The following RASD2 variants were observed in gnomAD, a reference collection of about 807,000 sequenced individuals.
RASD2 encodes the protein GTP-binding protein Rhes.
A neutral mutation model predicts 15.8 loss-of-function variants in RASD2; 7 were observed. The ratio of observed to expected loss-of-function variants is 0.44; its 90% confidence interval spans 0.25 to 0.83. The LOEUF (loss-of-function observed/expected upper bound fraction) is 0.83. RASD2 is among the 40% of genes least tolerant of loss of function. The probability of loss-of-function intolerance (pLI) is 0.20; values close to 1 mark genes in which losing one functional copy is unlikely to be tolerated. For synonymous variants in RASD2, 155 were observed against 153.6 expected (o/e 1.01, Z -0.07); for missense variants, 274 against 382.8 (o/e 0.72, Z 2.37).
chr22:35,537,057 GT>G (rs778165177), upstream of RASD2, among the ~76,000 whole-genome samples: 18 of 151,842 alleles, frequency 1.2e-4, no homozygotes, highest in African/African-American at 2.9e-4. Context: ...AGGAACTGCT[GT>G]TCTAGAAAAG....
upstream of RASD2, among the ~76,000 whole-genome samples, chr22:35,536,968 C>T (rs1378742770): frequency 1.3e-5 from 2 of 152,210 alleles, no homozygotes; most frequent in African/African-American, 4.8e-5. Context: ...GCAATTAAAT[C>T]AGCATCTCTG....
intron 1 of RASD2, among the ~76,000 whole-genome samples, chr22:35,544,240 G>C (rs1445215927): frequency 6.6e-6 from 1 of 152,236 alleles, no homozygotes; most frequent in Non-Finnish European, 1.5e-5. Flanking sequence ...ACTTGGGGAG[G>C]GGGCTGTCAT....
At chr22:35,533,862 ATGATGG>A in the RASD2 span, among the ~76,000 whole-genome samples, 1,388 of 151,232 alleles carry the variant, frequency 9.2e-3, 20 homozygotes, top group African/African-American at 0.031. Context: ...GATCACAGTG[ATGATGG>A]TGATGGTGAT....
chr22:35,552,240 G>A lies in RASD2; in HGVS notation c.*208G>A, dbSNP rs1284614448. 2.2e-5 allele frequency: 14 copies of A among 640,774 alleles called. 1 individual carries two copies. The East Asian group carries it at 2.5e-4, about 11-fold the overall frequency. 39.7% of individuals were successfully genotyped at this position (640,774 alleles called of 1,614,324 possible). ...TCCGCTTGTCCACAGCTCCTTGGTG[G>A]TTTCATCTCCTCTGTGGGAGGACAC... On this transcript the variant is annotated 3_prime_UTR_variant, in exon 3 of 3. Transcript: ENST00000216127.
chr22:35,547,192 G>A (rs1027798985), intron 2 of RASD2, 112 bp downstream of exon 2: 205 of 1,310,538 alleles, frequency 1.6e-4, no homozygotes, highest in Admixed American at 3.5e-4. Context: ...TGAGACAGGC[G>A]TCATCCCTGC....
At chr22:35,537,134 T>C (rs762196441), upstream of RASD2, among the ~76,000 whole-genome samples, 1 of 152,196 alleles carries the variant, frequency 6.6e-6, no homozygotes, top group African/African-American at 2.4e-5. Flanking sequence ...AGCCTCTCAT[T>C]AGCTGCCTGG....
At position 35,541,240 on chromosome 22, in the gene RASD2, G is replaced by A. The variant is rs1601809671; in HGVS notation, c.-270G>A. The A allele has an allele frequency of 1.3e-5, 2 of 151,850 alleles. No homozygotes were observed. Among genetic ancestry groups the A allele is most frequent in the Admixed American group, 1.3e-4 (2 of 15,266 alleles). 9.4% of individuals were successfully genotyped at this position (151,850 alleles called of 1,614,324 possible). A position where few individuals can be genotyped will look rare whatever the true frequency, so the allele number is the denominator to read the frequency against. ...GGGGCAGGGCAGGGCCGGCGGCGGCGAGCCGGAGCCCGCCCCCTGCCCGGG... is the reference window on the plus strand; with the variant it reads ...GGGGCAGGGCAGGGCCGGCGGCGGCAAGCCGGAGCCCGCCCCCTGCCCGGG... On this transcript the variant is annotated 5_prime_UTR_variant, in exon 1 of 3. Transcript: ENST00000216127.
chr22:35,548,254 G>A (rs1203027520), intron 2 of RASD2, among the ~76,000 whole-genome samples: 1 of 152,190 alleles, frequency 6.6e-6, no homozygotes, highest in Non-Finnish European at 1.5e-5. Context: ...TGTACCTCGA[G>A]GCAAGGGATT....
chr22:35,537,181 T>A (rs1294110613), upstream of RASD2, among the ~76,000 whole-genome samples: 1 of 152,230 alleles, frequency 6.6e-6, no homozygotes, highest in African/African-American at 2.4e-5. Flanking sequence ...TTTCCCCTTC[T>A]GTAAGTGGGG....
chr22:35,535,261 G>A, the RASD2 span, among the ~76,000 whole-genome samples: 1 of 151,836 alleles, frequency 6.6e-6, no homozygotes, highest in Non-Finnish European at 1.5e-5. Flanking sequence ...AAAATTAGCC[G>A]GGTGTGATGG....
rs964893254 is a variant in RASD2 at position 35,553,205 on chromosome 22, C to T, written c.*1173C>T. On this transcript the variant is annotated 3_prime_UTR_variant, in exon 3 of 3. Transcript: ENST00000216127. ...CCCCAGTCCTGGCCTCTGCCCGCCC[C>T]TGCTGCCCCACCACCTTCTGCACAC... 3 of 152,338 alleles carry T rather than the reference C, an allele frequency of 2.0e-5. No homozygotes were observed. Among genetic ancestry groups the T allele is most frequent in the Non-Finnish European group, 2.9e-5 (2 of 68,112 alleles). 9.4% of individuals were successfully genotyped at this position (152,338 alleles called of 1,614,324 possible).
At chr22:35,550,126 G>A (rs1569103313) in intron 2 of RASD2, among the ~76,000 whole-genome samples, 1 of 152,128 alleles carries the variant, frequency 6.6e-6, no homozygotes, top group African/African-American at 2.4e-5. Flanking sequence ...AGCCAGGTGT[G>A]GTGATGGGCA....
intron 2 of RASD2, among the ~76,000 whole-genome samples, chr22:35,547,921 A>G (rs952660208): frequency 3.9e-5 from 6 of 152,252 alleles, no homozygotes; most frequent in African/African-American, 1.4e-4. Flanking sequence ...GCCAGCATGT[A>G]GTTATTTAAC....
upstream of RASD2, chr22:35,540,797 G>A (rs1452493394): frequency 6.6e-6 from 1 of 152,334 alleles, no homozygotes; most frequent in East Asian, 1.9e-4. Context: ...CCTTGGGGCG[G>A]CGTTCAAGGC....
chr22:35,552,141 C>T lies in RASD2; in HGVS notation c.*109C>T, dbSNP rs769674641. On this transcript the variant is annotated 3_prime_UTR_variant, in exon 3 of 3. Transcript: ENST00000216127. ...CCCCGGCAGCAGTCTTGTTCACAGA[C>T]CTTAGGCACCAGACTGGAGGCCCCC... The T allele has an allele frequency of 1.7e-5, 24 of 1,388,212 alleles. No homozygotes were observed. The highest frequency in any genetic ancestry group is 2.6e-4 in the Middle Eastern group (1 of 3,854). 86.0% of individuals were successfully genotyped at this position (1,388,212 alleles called of 1,614,324 possible). A position where few individuals can be genotyped will look rare whatever the true frequency, so the allele number is the denominator to read the frequency against.
At chr22:35,545,831 G>T (rs879747999) in intron 1 of RASD2, among the ~76,000 whole-genome samples, 2 of 152,128 alleles carry the variant, frequency 1.3e-5, no homozygotes, top group Non-Finnish European at 2.9e-5. Context: ...TCTGGTGGGC[G>T]CTAAGGTAGG....
rs1211212564 is a variant in RASD2 at position 35,540,866 on chromosome 22, C to T, written c.-644C>T. On this transcript the variant is annotated 5_prime_UTR_variant, in exon 1 of 3. Coordinates refer to ENST00000216127, the MANE Select transcript of RASD2 (RefSeq NM_014310.4). ...GCTCCTCCTTCAGCTGCTGGCGTCG[C>T]CGCGCGGGGAGAAAGAAGCCGTCCC... 6.6e-6 allele frequency: 1 copy of T among 152,424 alleles called. No individual in the cohort carries two copies. The highest frequency in any genetic ancestry group is 1.5e-5 in the Non-Finnish European group (1 of 68,260). The allele number at this position is 152,424 out of a possible 1,614,324, so 9.4% of individuals were successfully genotyped here. A position where few individuals can be genotyped will look rare whatever the true frequency, so the allele number is the denominator to read the frequency against.
intron 1 of RASD2, among the ~76,000 whole-genome samples, chr22:35,543,769 A>G (rs906211316): frequency 6.6e-6 from 1 of 150,748 alleles, no homozygotes; most frequent in Non-Finnish European, 1.5e-5. Context: ...CCTGTCTCTT[A>G]TTTCTGACTC....
In RASD2 at chr22:35,550,155, C is replaced by T. The variant is rs532926409; in HGVS notation, c.272-1348C>T. ...ATGGGCACCTGTAATCCCAGTTACT[C>T]GGGAGGCTGAGGCAGGAGAATCTCT... On this transcript the variant is annotated intron_variant, in intron 2 of 2. Coordinates refer to ENST00000216127, the MANE Select transcript of RASD2 (RefSeq NM_014310.4). Among the ~76,000 whole-genome samples the T allele has an allele frequency of 9.2e-5, 14 of 152,082 alleles. No homozygotes were observed. In the South Asian group the frequency reaches 2.1e-3, roughly 23 times the overall value.
Sources: gnomAD v4.1 joint callset for allele counts (sites outside exome capture counted in the v4.1 genomes callset) on GRCh38, gnomAD v4.1.1 for gene constraint, MANE v1.5 for transcripts, NCBI Gene and HGNC (gene_info 2026-07-23, HGNC 2026-07-21) for gene names.